H2AZ2: variants seen among roughly 807,000 people sequenced by gnomAD.
H2AZ2 encodes the protein H2A.Z variant histone 2.
In H2AZ2, 5 loss-of-function variants were observed where a neutral mutation model predicts 15.5. The observed-to-expected ratio is 0.32, with a 90% confidence interval of 0.17 to 0.68. H2AZ2 has a LOEUF of 0.68. Ranked by LOEUF, H2AZ2 falls within the 30% of genes least tolerant of loss-of-function variation. The pLI, the probability that H2AZ2 is intolerant of heterozygous loss-of-function variation, is 0.72. For synonymous variants in H2AZ2, 44 were observed against 57.4 expected, an observed-to-expected ratio of 0.77 and a Z score of 1.05; for missense variants, 42 against 162.5, an observed-to-expected ratio of 0.26 and a Z score of 4.03.
chr7:44,847,906 G>C (rs1793454926), intron 1 of H2AZ2, 63 bp downstream of exon 1: 1 of 1,530,256 alleles, frequency 6.5e-7, no homozygotes, highest in Non-Finnish European at 8.7e-7. Context: ...CGGCGCCGAC[G>C]CCAGGGCCTC....
In H2AZ2 at chr7:44,840,887, T is replaced by C; in HGVS notation, c.195+12A>G. 1 of 1,590,790 alleles carries C rather than the reference T, an allele frequency of 6.3e-7. No individual in the cohort carries two copies. Among genetic ancestry groups the C allele is most frequent in the Non-Finnish European group, 8.6e-7 (1 of 1,159,356 alleles). On this transcript the variant is annotated intron_variant, in intron 3 of 4. Coordinates refer to ENST00000308153, the MANE Select transcript of H2AZ2 (RefSeq NM_012412.5). Reference sequence around the variant, plus strand: ...CTGGATGGCCATATACAACAGACATTCCTGTACAAACCTCTGCAGTGAGGT... The same window carrying C: ...CTGGATGGCCATATACAACAGACATCCCTGTACAAACCTCTGCAGTGAGGT...
chr7:44,840,596 C>T (rs1037751895), intron 3 of H2AZ2, among the ~76,000 whole-genome samples: 5 of 152,112 alleles, frequency 3.3e-5, no homozygotes, highest in Non-Finnish European at 7.3e-5. Flanking sequence ...CATGGTGAAA[C>T]TCTGTCTCTA....
At chr7:44,835,363 T>C in intron 4 of H2AZ2, 166 bp downstream of exon 4, 1 of 501,126 alleles carries the variant, frequency 2.0e-6, no homozygotes, top group Non-Finnish European at 3.3e-6. Context: ...GTGAAATATT[T>C]ATTCAGATCA....
chr7:44,835,136 A>G (rs1793089479), intron 4 of H2AZ2: 2 of 205,566 alleles, frequency 9.7e-6, no homozygotes. Flanking sequence ...AAGATTAAGA[A>G]CCACCAACTT....
chr7:44,843,498 G>A, intron 1 of H2AZ2, 144 bp from the exon 2 acceptor site: 3 of 597,064 alleles, frequency 5.0e-6, no homozygotes, highest in East Asian at 2.9e-5. Flanking sequence ...AAATATACAT[G>A]GGATTCTATC....
chr7:44,845,024 C>G (rs1159437146), intron 1 of H2AZ2, among the ~76,000 whole-genome samples: 1 of 152,102 alleles, frequency 6.6e-6, no homozygotes, highest in Non-Finnish European at 1.5e-5. Flanking sequence ...AATCAGTTTA[C>G]AAGATTGGCT....
intron 3 of H2AZ2, 30 bp downstream of exon 3, chr7:44,840,869 G>A (rs747295881): frequency 1.4e-6 from 2 of 1,455,922 alleles, no homozygotes; most frequent in South Asian, 2.3e-5. Flanking sequence ...CTTCTGGATG[G>A]CCATATACAA....
At chr7:44,828,350 C>A (rs1266406730), downstream of H2AZ2, 1 of 152,122 alleles carries the variant, frequency 6.6e-6, no homozygotes, top group African/African-American at 2.4e-5. Flanking sequence ...TCTCACTGAA[C>A]CTCTGGTAAT....
At chr7:44,830,079 G>T, downstream of H2AZ2, 2 of 1,532,328 alleles carry the variant, frequency 1.3e-6, no homozygotes, top group Non-Finnish European at 1.8e-6. Flanking sequence ...ACACATCCCA[G>T]TAGAATCTTG....
At chr7:44,847,397 G>C (rs1053182184) in intron 1 of H2AZ2, among the ~76,000 whole-genome samples, 1 of 152,090 alleles carries the variant, frequency 6.6e-6, no homozygotes, top group African/African-American at 2.4e-5. Context: ...AAACTGCAAG[G>C]GGCTCAGAAG....
intron 3 of H2AZ2, among the ~76,000 whole-genome samples, chr7:44,835,904 A>G (rs1295106883): frequency 6.6e-6 from 1 of 152,054 alleles, no homozygotes; most frequent in Admixed American, 6.6e-5. Flanking sequence ...AGGTAAGGAC[A>G]GGAGATATTA....
chr7:44,844,164 G>A (rs1793343561), intron 1 of H2AZ2, among the ~76,000 whole-genome samples: 2 of 151,986 alleles, frequency 1.3e-5, no homozygotes, highest in Non-Finnish European at 2.9e-5. Context: ...GTATACCCAC[G>A]TTCACAGAAG....
intron 1 of H2AZ2, 125 bp downstream of exon 1, chr7:44,847,844 G>T: frequency 7.5e-7 from 1 of 1,326,114 alleles, no homozygotes; most frequent in Non-Finnish European, 1.0e-6. Context: ...GGCGGCGAGG[G>T]GCTCGGCCGG....
chr7:44,846,062 CAGAGAGAG>C (rs1554336348), intron 1 of H2AZ2, among the ~76,000 whole-genome samples: 2 of 75,060 alleles, frequency 2.7e-5, no homozygotes, highest in Non-Finnish European at 6.3e-5. Context: ...CACACACACA[CAGAGAGAG>C]ACAGAGAGAG....
chr7:44,846,024 T>TACACACACACACACACAC (rs10573522), intron 1 of H2AZ2, among the ~76,000 whole-genome samples: 190 of 132,820 alleles, frequency 1.4e-3, no homozygotes, highest in Non-Finnish European at 2.3e-3. Context: ...TTTAAAAAAT[T>TACACACACACACACACAC]ACACACACAC....
chr7:44,841,544 C>T (rs1343136817), intron 2 of H2AZ2, among the ~76,000 whole-genome samples: 1 of 152,190 alleles, frequency 6.6e-6, no homozygotes, highest in Non-Finnish European at 1.5e-5. Context: ...GAGTCTCACT[C>T]TGTCACCCAG....
At chr7:44,844,712 G>A (rs1178808863) in intron 1 of H2AZ2, among the ~76,000 whole-genome samples, 1 of 152,188 alleles carries the variant, frequency 6.6e-6, no homozygotes, top group East Asian at 1.9e-4. Context: ...TCTAGAGGCA[G>A]AAGGCAGTGA....
intron 4 of H2AZ2, 129 bp downstream of exon 4, chr7:44,835,400 A>G (rs1383123044): frequency 6.3e-6 from 4 of 634,906 alleles, no homozygotes; most frequent in Middle Eastern, 4.5e-4. Flanking sequence ...ATTGTTATAG[A>G]TTTAGTATTT....
chr7:44,837,845 T>A, intron 3 of H2AZ2, among the ~76,000 whole-genome samples: 1 of 117,750 alleles, frequency 8.5e-6, no homozygotes, highest in East Asian at 2.5e-4. Flanking sequence ...GGGGGGGGCT[T>A]AGATAGATGG....
Sources: gnomAD v4.1 joint callset for allele counts (sites outside exome capture counted in the v4.1 genomes callset) on GRCh38, gnomAD v4.1.1 for gene constraint, MANE v1.5 for transcripts, NCBI Gene and HGNC (gene_info 2026-07-23, HGNC 2026-07-21) for gene names.